CADM2: variants seen among roughly 807,000 people sequenced by gnomAD.
CADM2 encodes the protein cell adhesion molecule 2.
In CADM2, 12 loss-of-function variants were observed where a neutral mutation model predicts 49.8. The observed-to-expected ratio is 0.24, with a 90% CI of 0.15 to 0.39. The LOEUF is 0.39. Among genes scored for constraint, CADM2 ranks in the 10% least tolerant of loss-of-function variants. CADM2 has a pLI of 1.00. For missense variants in CADM2, 378 were observed against 492.3 expected (o/e 0.77, Z 2.20); for synonymous variants, 214 against 175.4 (o/e 1.22, Z -1.74).
chr3:85,487,126 T>G (rs1208837042), intron 1 of CADM2, among the ~76,000 whole-genome samples: 2 of 152,180 alleles, frequency 1.3e-5, no homozygotes, highest in Non-Finnish European at 2.9e-5. Flanking sequence ...AGGAACGAGG[T>G]TGGTAGCCAA....
At chr3:85,466,079 G>T (rs1408091062) in intron 1 of CADM2, among the ~76,000 whole-genome samples, 1 of 152,058 alleles carries the variant, frequency 6.6e-6, no homozygotes, top group Non-Finnish European at 1.5e-5. Context: ...TAAATACCAC[G>T]TGCTTGTCAG....
At chr3:85,067,442 AG>A (rs1412121121) in intron 1 of CADM2, among the ~76,000 whole-genome samples, 2 of 152,138 alleles carry the variant, frequency 1.3e-5, no homozygotes, top group Non-Finnish European at 2.9e-5. Context: ...TTTGCTTGGA[AG>A]GTTATGAAAT....
At position 85,310,228 on chromosome 3, in the gene CADM2, G is replaced by T. The variant is rs187817575; in HGVS notation, c.61+350560G>T. Among the ~76,000 whole-genome samples, 7 of 152,238 alleles carry T rather than the reference G, an allele frequency of 4.6e-5. No homozygotes were observed. In the East Asian group the frequency reaches 1.4e-3, roughly 29 times the overall value. ...AGCATTATCACAATAGACAATATTT[G>T]CATGTGAAAAGATAATCTTCAAAGT... On this transcript the variant is annotated intron_variant, in intron 1 of 9. Transcript: ENST00000383699.
intron 1 of CADM2, among the ~76,000 whole-genome samples, chr3:85,290,838 A>G (rs1303829697): frequency 6.6e-6 from 1 of 152,220 alleles, no homozygotes; most frequent in Non-Finnish European, 1.5e-5. Context: ...AAGATGGGGA[A>G]AAAACAGAAC....
chr3:85,095,103 T>C (rs1009096840), intron 1 of CADM2, among the ~76,000 whole-genome samples: 2 of 152,204 alleles, frequency 1.3e-5, no homozygotes, highest in African/African-American at 4.8e-5. Context: ...TGTCTATCAA[T>C]ACCTTTACAA....
chr3:86,023,855 G>A (rs1190824510), intron 8 of CADM2, among the ~76,000 whole-genome samples: 8 of 152,066 alleles, frequency 5.3e-5, no homozygotes, highest in Admixed American at 3.3e-4. Context: ...TCATCACTCT[G>A]ACATGGATCA....
intron 1 of CADM2, among the ~76,000 whole-genome samples, chr3:85,387,533 TAAAC>T (rs779720181): frequency 1.3e-5 from 2 of 152,224 alleles, no homozygotes. Context: ...TACTGACAAA[TAAAC>T]AACAGAGTGG....
At chr3:85,109,656 C>T (rs937598263) in intron 1 of CADM2, among the ~76,000 whole-genome samples, 30 of 151,936 alleles carry the variant, frequency 2.0e-4, no homozygotes, top group African/African-American at 5.1e-4. Flanking sequence ...TCACATTAGG[C>T]TCCAAACCTT....
rs989276160 is a variant in CADM2, at chr3:86,069,521, A to T, written c.*2738A>T. On this transcript the variant is annotated 3_prime_UTR_variant, in exon 10 of 10. Transcript: ENST00000383699. ...TAATTTTCAACCAAACAAAAAATAA[A>T]TTGTAAAAATTATGCTCATTTCTAT... The T allele has an allele frequency of 1.3e-5, 2 of 152,058 alleles. No individual in the cohort carries two copies. The highest frequency in any genetic ancestry group is 1.3e-4 in the Admixed American group (2 of 15,252). 9.4% of individuals were successfully genotyped at this position (152,058 alleles called of 1,614,324 possible).
intron 1 of CADM2, among the ~76,000 whole-genome samples, chr3:85,510,328 G>A (rs12638004): frequency 0.013 from 1,994 of 152,094 alleles, 106 homozygotes; most frequent in South Asian, 0.092. Context: ...TGCAACTGAC[G>A]TAAAATGTGC....
At chr3:85,147,986 C>A (rs1237833515) in intron 1 of CADM2, among the ~76,000 whole-genome samples, 3 of 152,060 alleles carry the variant, frequency 2.0e-5, no homozygotes, top group Non-Finnish European at 4.4e-5. Context: ...TATAATCACA[C>A]CAAGTTGCTG....
chr3:85,058,273 T>C (rs2036169080), intron 1 of CADM2, among the ~76,000 whole-genome samples: 1 of 152,124 alleles, frequency 6.6e-6, no homozygotes. Flanking sequence ...AGGATCTTCC[T>C]AGTTCAAGAA....
intron 1 of CADM2, among the ~76,000 whole-genome samples, chr3:85,501,834 T>C (rs2040130381): frequency 6.6e-6 from 1 of 152,144 alleles, no homozygotes; most frequent in African/African-American, 2.4e-5. Context: ...AAAATGTACA[T>C]TGTATGAGAA....
At position 85,613,555 on chromosome 3, in the gene CADM2, T is replaced by G. The variant is rs2063729668; in HGVS notation, c.62-112967T>G. Among the ~76,000 whole-genome samples the G allele has an allele frequency of 2.6e-5, 4 of 151,810 alleles. No individual in the cohort carries two copies. The South Asian group carries it at 8.3e-4, about 31-fold the overall frequency. ...GAGTGATGGGCAAACTTCTAAGTTT[T>G]AATGATCACGATACCAGGGTTCACG... On this transcript the variant is annotated intron_variant, in intron 1 of 9. Coordinates refer to ENST00000383699, the MANE Select transcript of CADM2 (RefSeq NM_001167675.2).
chr3:85,239,527 C>T (rs983128536), intron 1 of CADM2, among the ~76,000 whole-genome samples: 5 of 151,448 alleles, frequency 3.3e-5, no homozygotes, highest in South Asian at 2.1e-4. Flanking sequence ...TCATTTTTAA[C>T]GAATTTAATA....
At chr3:85,813,769 T>C (rs989266826) in intron 3 of CADM2, among the ~76,000 whole-genome samples, 2 of 152,154 alleles carry the variant, frequency 1.3e-5, no homozygotes, top group Non-Finnish European at 2.9e-5. Flanking sequence ...CTAGTCAGTT[T>C]TCCCAACACC....
chr3:85,338,915 A>G (rs2045165246), intron 1 of CADM2, among the ~76,000 whole-genome samples: 1 of 151,520 alleles, frequency 6.6e-6, no homozygotes, highest in Non-Finnish European at 1.5e-5. Context: ...AGTTAGCAAA[A>G]GTGGATGTTT....
At chr3:85,306,870 A>AT (rs1437872132) in intron 1 of CADM2, among the ~76,000 whole-genome samples, 1 of 151,664 alleles carries the variant, frequency 6.6e-6, no homozygotes, top group African/African-American at 2.4e-5. Context: ...ATGCAGCTTA[A>AT]TTTTTTTGCA....
At chr3:85,952,460 A>G (rs1032839923) in intron 7 of CADM2, among the ~76,000 whole-genome samples, 2 of 151,036 alleles carry the variant, frequency 1.3e-5, no homozygotes, top group African/African-American at 4.8e-5. Flanking sequence ...TTATTTATTT[A>G]ATTAATTGCT....
Sources: allele counts gnomAD v4.1 joint callset (sites outside exome capture counted in the v4.1 genomes callset), GRCh38; gene constraint gnomAD v4.1.1; transcripts MANE v1.5; gene names NCBI Gene and HGNC (gene_info 2026-07-23, HGNC 2026-07-21).